Variants in ZNF618 observed in about 807,000 individuals in gnomAD.
ZNF618 encodes zinc finger protein 618, also known as neural precursor cell expressed, developmentally down-regulated 10.
In ZNF618, 34 loss-of-function variants were observed where a neutral mutation model predicts 103.0. That is an observed-to-expected ratio of 0.33 (90% CI 0.25 to 0.44). The LOEUF (loss-of-function observed/expected upper bound fraction) is 0.44, where lower values mean the gene tolerates loss of function less well. Ranked by LOEUF, ZNF618 falls within the 20% of genes least tolerant of loss-of-function variation. The pLI is 1.00. For missense variants in ZNF618, 1,059 were observed against 1,295.4 expected (o/e 0.82, Z 2.80); for synonymous variants, 551 against 542.2 (o/e 1.02, Z -0.23).
intron 1 of ZNF618, among the ~76,000 whole-genome samples, chr9:113,902,399 G>A (rs1036476770): frequency 2.0e-5 from 3 of 152,070 alleles, no homozygotes. Context: ...TCAGTTTAGG[G>A]TGTGTGGCTA....
intron 1 of ZNF618, among the ~76,000 whole-genome samples, chr9:113,901,775 T>C (rs867762160): frequency 6.6e-6 from 1 of 152,164 alleles, no homozygotes; most frequent in Admixed American, 6.5e-5. Context: ...TTGTTCTCTC[T>C]CCTGCTGCCT....
At chr9:114,044,049 G>GT (rs918938990) in intron 13 of ZNF618, among the ~76,000 whole-genome samples, 1 of 152,026 alleles carries the variant, frequency 6.6e-6, no homozygotes, top group African/African-American at 2.4e-5. Flanking sequence ...AAGCTTTTGT[G>GT]TTTAAGTCCC....
chr9:114,049,198 C>G lies in ZNF618; in HGVS notation c.1896C>G (p.Cys632Trp), dbSNP rs780059536. The G allele has an allele frequency of 6.2e-6, 10 of 1,613,680 alleles. No homozygotes were observed. Among genetic ancestry groups the G allele is most frequent in the Admixed American group, 5.0e-5 (3 of 60,030 alleles). ...CCGCCTTCTCCAAGGCCGGCATGTG[C>G]CTTCGCTGCTCAGCCTGTGCCTTGA... Reference protein sequence around the residue: ...STSAFSKAGMCLRCSACALNS... With the variant: ...STSAFSKAGMWLRCSACALNS... The change falls in exon 15 of 15, where the codon TGC (cysteine) becomes TGG (tryptophan). Residue 632 changes from cysteine (C) to tryptophan (W), a missense_variant. By Grantham distance (215) the Cys-to-Trp change is radical. Transcript: ENST00000374126.
chr9:114,049,539 T>C lies in ZNF618; in HGVS notation c.2237T>C (p.Val746Ala). The C allele has an allele frequency of 2.5e-6, 4 of 1,613,812 alleles. No homozygotes were observed. The highest frequency in any genetic ancestry group is 3.4e-6 in the Non-Finnish European group (4 of 1,179,852). ...AAILTPVKQA[V>A]IELSNESQPT... ...ATCCTGACGCCGGTGAAGCAGGCAG[T>C]CATCGAGCTGAGCAACGAGAGCCAG... Residue 746 changes from valine to alanine, a missense_variant, in exon 15 of 15, where the codon GTC (valine) becomes GCC (alanine). Physicochemically the swap from Val to Ala is moderately conservative, Grantham distance 64. This residue lies in a region of ZNF618 where 272 missense variants were observed against 380.1 expected (regional missense o/e 0.72). Transcript: ENST00000374126.
intron 1 of ZNF618, among the ~76,000 whole-genome samples, chr9:113,931,489 G>C (rs183876955): frequency 2.0e-5 from 3 of 152,194 alleles, no homozygotes; most frequent in Admixed American, 2.0e-4. Context: ...TGCGACTCCA[G>C]ATGGGCAGGT....
intron 1 of ZNF618, among the ~76,000 whole-genome samples, chr9:113,947,274 G>A (rs1835127624): frequency 6.6e-6 from 1 of 152,160 alleles, no homozygotes; most frequent in Non-Finnish European, 1.5e-5. Context: ...TCCTTCACCT[G>A]AGCAAGATAT....
chr9:114,023,873 T>G (rs1412962957), intron 10 of ZNF618, among the ~76,000 whole-genome samples: 2 of 152,208 alleles, frequency 1.3e-5, no homozygotes, highest in Non-Finnish European at 2.9e-5. Context: ...CTGGATGCTT[T>G]TAAGTATTTC....
At chr9:114,002,453 C>T (rs1588299254) in intron 5 of ZNF618, among the ~76,000 whole-genome samples, 171 bp from the exon 6 acceptor site, 4 of 152,174 alleles carry the variant, frequency 2.6e-5, no homozygotes, top group Admixed American at 1.3e-4. Flanking sequence ...GGAGGGATGG[C>T]GTCTGTTCCT....
intron 1 of ZNF618, among the ~76,000 whole-genome samples, chr9:113,960,117 T>C (rs537419295): frequency 3.3e-5 from 5 of 152,370 alleles, no homozygotes; most frequent in African/African-American, 9.6e-5. Context: ...GCAACTAATA[T>C]GTGCCGGCGT....
chr9:114,048,140 T>A, intron 14 of ZNF618, 146 bp downstream of exon 14: 1 of 728,126 alleles, frequency 1.4e-6, no homozygotes, highest in South Asian at 2.1e-5. Flanking sequence ...ACCTAAGACC[T>A]TATTTGCAGG....
At chr9:113,967,160 A>G (rs1277581221) in intron 1 of ZNF618, among the ~76,000 whole-genome samples, 2 of 152,212 alleles carry the variant, frequency 1.3e-5, no homozygotes, top group Non-Finnish European at 2.9e-5. Flanking sequence ...AAGGCGAGAG[A>G]TCCATTTGGG....
chr9:113,937,942 T>G (rs994230443), intron 1 of ZNF618, among the ~76,000 whole-genome samples: 1 of 152,140 alleles, frequency 6.6e-6, no homozygotes, highest in Non-Finnish European at 1.5e-5. Context: ...TTTTAAAAAG[T>G]GTTTCAGATT....
At chr9:114,017,106 A>C (rs944749248) in intron 10 of ZNF618, among the ~76,000 whole-genome samples, 2 of 152,164 alleles carry the variant, frequency 1.3e-5, no homozygotes, top group Admixed American at 1.3e-4. Context: ...GTACCGCTAC[A>C]TCACAAGGTT....
intron 9 of ZNF618, among the ~76,000 whole-genome samples, chr9:114,011,269 A>G (rs914912722): frequency 6.6e-6 from 1 of 152,238 alleles, no homozygotes; most frequent in African/African-American, 2.4e-5. Flanking sequence ...AAGAATTAGC[A>G]TAGTCCTTAC....
intron 2 of ZNF618, among the ~76,000 whole-genome samples, chr9:113,971,788 C>G (rs1687583610): frequency 6.6e-6 from 1 of 152,056 alleles, no homozygotes; most frequent in Non-Finnish European, 1.5e-5. Context: ...AGATGCCTGC[C>G]CAGTCAGAGG....
At chr9:113,933,522 C>T (rs913757690) in intron 1 of ZNF618, among the ~76,000 whole-genome samples, 1 of 152,082 alleles carries the variant, frequency 6.6e-6, no homozygotes, top group Non-Finnish European at 1.5e-5. Flanking sequence ...TCTATTTTCT[C>T]AGGGAAAGTA....
At chr9:114,031,826 C>T (rs903157893) in intron 11 of ZNF618, among the ~76,000 whole-genome samples, 4 of 151,836 alleles carry the variant, frequency 2.6e-5, no homozygotes, top group Admixed American at 6.6e-5. Flanking sequence ...TGGGATCGTC[C>T]GGCATCCCCC....
chr9:114,055,391 C>G lies in ZNF618; in HGVS notation c.*5224C>G, dbSNP rs1468845979. ...GGCAGGGCTGGCCCAGGCAGCTCGT[C>G]CAGGGCCATTCAGATCCCAAGCATC... On this transcript the variant is annotated 3_prime_UTR_variant, in exon 15 of 15. Coordinates refer to ENST00000374126, the MANE Select transcript of ZNF618 (RefSeq NM_001318042.2). The G allele has an allele frequency of 6.5e-6, 1 of 152,748 alleles. No homozygotes were observed. Among genetic ancestry groups the G allele is most frequent in the Non-Finnish European group, 1.5e-5 (1 of 68,106 alleles). 9.5% of individuals were successfully genotyped at this position (152,748 alleles called of 1,614,324 possible).
chr9:113,901,316 ATCTCCTTGCCCCG>A (rs1830529507), intron 1 of ZNF618, among the ~76,000 whole-genome samples: 1 of 152,138 alleles, frequency 6.6e-6, no homozygotes, highest in Non-Finnish European at 1.5e-5. Context: ...TAAAACGGGC[ATCTCCTTGCCCCG>A]TCTCCTGTCT....
Sources: gnomAD v4.1 joint callset for allele counts (sites outside exome capture counted in the v4.1 genomes callset) on GRCh38, gnomAD v4.1.1 for gene constraint, gnomAD v4.1.1 regional missense constraint, MANE v1.5 for transcripts, NCBI Gene and HGNC (gene_info 2026-07-23, HGNC 2026-07-21) for gene names.